Variants in QTMAN observed in about 807,000 individuals in gnomAD.
QTMAN encodes tRNA-queuosine alpha-mannosyltransferase.
the QTMAN span, among the ~76,000 whole-genome samples, chr2:144,312,262 A>G: frequency 6.7e-6 from 1 of 149,348 alleles, no homozygotes; most frequent in Non-Finnish European, 1.5e-5. Flanking sequence ...GGCTCAAGTG[A>G]TCCTCCTGCC....
At chr2:144,232,039 A>G in the QTMAN span, among the ~76,000 whole-genome samples, 5 of 152,144 alleles carry the variant, frequency 3.3e-5, no homozygotes, top group African/African-American at 7.2e-5. Context: ...ATGTTGACCT[A>G]AAGATTTAAT....
At chr2:144,000,041 G>C in the QTMAN span, among the ~76,000 whole-genome samples, 1 of 152,000 alleles carries the variant, frequency 6.6e-6, no homozygotes, top group Non-Finnish European at 1.5e-5. Context: ...TATGTTCAAT[G>C]ATTTGGAAAA....
At chr2:144,205,976 ATAATAAAAC>A in the QTMAN span, among the ~76,000 whole-genome samples, 1 of 152,240 alleles carries the variant, frequency 6.6e-6, no homozygotes, top group Non-Finnish European at 1.5e-5. Context: ...TTCGTAATCT[ATAATAAAAC>A]TAAACAGCTC....
At chr2:144,077,107 C>T in the QTMAN span, among the ~76,000 whole-genome samples, 3 of 150,000 alleles carry the variant, frequency 2.0e-5, no homozygotes, top group Admixed American at 1.3e-4. Flanking sequence ...TGCACTTTCA[C>T]AACTTGAGAC....
chr2:144,229,036 C>A, the QTMAN span, among the ~76,000 whole-genome samples: 1 of 152,076 alleles, frequency 6.6e-6, no homozygotes, highest in African/African-American at 2.4e-5. Flanking sequence ...CACTTGAAAT[C>A]AATGGTTCTG....
At chr2:144,096,208 TTTC>T in the QTMAN span, among the ~76,000 whole-genome samples, 1 of 152,232 alleles carries the variant, frequency 6.6e-6, no homozygotes, top group Non-Finnish European at 1.5e-5. Context: ...AAAATTTGAA[TTTC>T]TTATGAGTAA....
the QTMAN span, among the ~76,000 whole-genome samples, chr2:144,131,187 AC>A: frequency 1.4e-4 from 21 of 151,946 alleles, no homozygotes; most frequent in East Asian, 4.1e-3. Context: ...CTCCATCTAA[AC>A]GAGGCTCTGA....
chr2:144,031,599 T>C, the QTMAN span, among the ~76,000 whole-genome samples: 1 of 152,060 alleles, frequency 6.6e-6, no homozygotes, highest in Admixed American at 6.6e-5. Flanking sequence ...GTGGTAAAAG[T>C]ACCCAAAGAA....
chr2:144,061,699 C>CCGTGGCCCTAAATGAGAACAGGCATT, the QTMAN span, among the ~76,000 whole-genome samples: 2 of 152,072 alleles, frequency 1.3e-5, no homozygotes, highest in African/African-American at 2.4e-5. Context: ...AAGCCTGGAC[C>CCGTGGCCCTAAATGAGAACAGGCATT]CGTGGCCCTA....
At chr2:143,963,142 A>G in the QTMAN span, among the ~76,000 whole-genome samples, 659 of 152,248 alleles carry the variant, frequency 4.3e-3, 4 homozygotes, top group Non-Finnish European at 7.2e-3. Flanking sequence ...GTCCTCACCT[A>G]TACATAGGGG....
At chr2:144,095,636 G>T in the QTMAN span, among the ~76,000 whole-genome samples, 2 of 152,078 alleles carry the variant, frequency 1.3e-5, no homozygotes, top group Non-Finnish European at 2.9e-5. Flanking sequence ...GTATGCTTTT[G>T]AGCATAGATT....
chr2:144,316,867 C>A, the QTMAN span, among the ~76,000 whole-genome samples: 3 of 152,210 alleles, frequency 2.0e-5, no homozygotes, highest in Admixed American at 2.0e-4. Context: ...AAATGAGCCA[C>A]TAGCTGTATG....
At chr2:144,257,354 A>C in the QTMAN span, among the ~76,000 whole-genome samples, 3 of 152,224 alleles carry the variant, frequency 2.0e-5, no homozygotes, top group East Asian at 5.8e-4. Context: ...CTAGGAGAGA[A>C]TAGGAAAGGT....
chr2:144,096,497 C>T, the QTMAN span, among the ~76,000 whole-genome samples: 1 of 152,316 alleles, frequency 6.6e-6, no homozygotes, highest in South Asian at 2.1e-4. Flanking sequence ...ACTTTCATCC[C>T]TCTCAGTTTT....
chr2:144,020,647 A>G, the QTMAN span, among the ~76,000 whole-genome samples: 1 of 152,172 alleles, frequency 6.6e-6, no homozygotes, highest in Non-Finnish European at 1.5e-5. Flanking sequence ...CCCTGTCTGT[A>G]TGCTCCCCTA....
chr2:144,163,147 A>G, the QTMAN span, among the ~76,000 whole-genome samples: 1 of 152,196 alleles, frequency 6.6e-6, no homozygotes, highest in Non-Finnish European at 1.5e-5. Flanking sequence ...AATTATAAAT[A>G]TACTATTATT....
the QTMAN span, among the ~76,000 whole-genome samples, chr2:144,254,934 G>A: frequency 6.6e-6 from 1 of 152,186 alleles, no homozygotes; most frequent in Non-Finnish European, 1.5e-5. Flanking sequence ...TAGCCCCTTT[G>A]TTTTGGCCAG....
At chr2:143,980,238 T>C in the QTMAN span, among the ~76,000 whole-genome samples, 6 of 151,908 alleles carry the variant, frequency 3.9e-5, no homozygotes, top group Admixed American at 6.6e-5. Flanking sequence ...CCCGTGTCCA[T>C]GTGTTCTCAT....
chr2:144,271,898 A>T, the QTMAN span, among the ~76,000 whole-genome samples: 1 of 152,322 alleles, frequency 6.6e-6, no homozygotes, highest in South Asian at 2.1e-4. Context: ...GAGAAGTCTA[A>T]AAAACTTATA....
Sources: gnomAD v4.1 joint callset for allele counts (sites outside exome capture counted in the v4.1 genomes callset) on GRCh38, gnomAD v4.1.1 for gene constraint, MANE v1.5 for transcripts, NCBI Gene and HGNC (gene_info 2026-07-23, HGNC 2026-07-21) for gene names.